The following MTHFD2L variants were observed in gnomAD, a reference collection of about 807,000 sequenced individuals.
MTHFD2L encodes methylenetetrahydrofolate dehydrogenase (NADP+ dependent) 2 like.
MTHFD2L carries 29 observed loss-of-function variants against 34.9 expected under a neutral mutation model. The ratio of observed to expected loss-of-function variants is 0.83; its 90% CI spans 0.62 to 1.13. The LOEUF (loss-of-function observed/expected upper bound fraction) is 1.13. MTHFD2L is among the 50% of genes most tolerant of loss of function. The pLI, the probability that MTHFD2L is intolerant of heterozygous loss-of-function variation, is 0.00. For missense variants in MTHFD2L, 481 were observed against 446.5 expected (o/e 1.08, Z -0.70); for synonymous variants, 167 against 155.7 (o/e 1.07, Z -0.54).
intron 3 of MTHFD2L, among the ~76,000 whole-genome samples, chr4:74,179,379 A>G (rs1043467415): frequency 1.3e-5 from 2 of 152,062 alleles, no homozygotes; most frequent in African/African-American, 2.4e-5. Flanking sequence ...TTGCTCAATA[A>G]TGGTATTCCT....
intron 5 of MTHFD2L, among the ~76,000 whole-genome samples, chr4:74,212,580 C>G (rs1213669531): frequency 6.6e-6 from 1 of 152,042 alleles, no homozygotes; most frequent in African/African-American, 2.4e-5. Flanking sequence ...GATTTCCATT[C>G]TTTTATATTT....
At chr4:74,212,639 G>A (rs1178650006) in intron 5 of MTHFD2L, among the ~76,000 whole-genome samples, 2 of 152,162 alleles carry the variant, frequency 1.3e-5, no homozygotes, top group Admixed American at 6.5e-5. Context: ...TAGAATAAGT[G>A]TGATGTGGTG....
chr4:74,246,488 T>C (rs990510815), intron 6 of MTHFD2L, among the ~76,000 whole-genome samples: 4 of 152,180 alleles, frequency 2.6e-5, no homozygotes, highest in African/African-American at 9.7e-5. Flanking sequence ...TTTAATTAGA[T>C]CCCATTTGTC....
At chr4:74,163,007 CCTTATGGATAGAAT>C (rs1252661778) in intron 1 of MTHFD2L, among the ~76,000 whole-genome samples, 1 of 152,060 alleles carries the variant, frequency 6.6e-6, no homozygotes. Flanking sequence ...TAACCTGGGA[CCTTATGGATAGAAT>C]TCAGAGGATC....
At chr4:74,121,480 A>G (rs1560397714), upstream of MTHFD2L, among the ~76,000 whole-genome samples, 1 of 150,178 alleles carries the variant, frequency 6.7e-6, no homozygotes, top group Admixed American at 6.8e-5. Context: ...TAAGCAATAT[A>G]CTGCAGGTGT....
intron 7 of MTHFD2L, among the ~76,000 whole-genome samples, chr4:74,298,778 C>T (rs376143585): frequency 2.0e-5 from 3 of 152,044 alleles, no homozygotes; most frequent in South Asian, 2.1e-4. Context: ...TTTGAGAAAA[C>T]TGAGTTAATT....
At chr4:74,203,101 C>T (rs1734722303) in intron 5 of MTHFD2L, among the ~76,000 whole-genome samples, 1 of 152,204 alleles carries the variant, frequency 6.6e-6, no homozygotes, top group South Asian at 2.1e-4. Context: ...ATAATATTTT[C>T]CCTTTCTATG....
intron 3 of MTHFD2L, chr4:74,190,371 A>G (rs901092468): frequency 1.8e-6 from 1 of 546,804 alleles, no homozygotes; most frequent in Admixed American, 6.4e-5. Context: ...CGTGATGTGT[A>G]GGTTCCAACT....
At chr4:74,133,241 C>T (rs966527636) in intron 1 of MTHFD2L, among the ~76,000 whole-genome samples, 6 of 152,046 alleles carry the variant, frequency 3.9e-5, no homozygotes, top group Non-Finnish European at 8.8e-5. Flanking sequence ...TCTGGATCTT[C>T]TCTTTGTCTT....
chr4:74,173,227 G>A (rs16850519), intron 1 of MTHFD2L, among the ~76,000 whole-genome samples: 3,781 of 152,264 alleles, frequency 0.025, 164 homozygotes, highest in African/African-American at 0.086. Context: ...CACAGTAAGA[G>A]CAATGTAATT....
chr4:74,125,176 A>C (rs1474882841), upstream of MTHFD2L, among the ~76,000 whole-genome samples: 1 of 152,208 alleles, frequency 6.6e-6, no homozygotes, highest in East Asian at 1.9e-4. Context: ...AGGAATTAGC[A>C]TGAGTGAAGC....
intron 5 of MTHFD2L, among the ~76,000 whole-genome samples, chr4:74,207,099 T>C (rs1735468639): frequency 6.6e-6 from 1 of 151,830 alleles, no homozygotes; most frequent in African/African-American, 2.4e-5. Context: ...GGGGTCTCCT[T>C]ATGTTGCCCA....
chr4:74,209,888 T>C (rs1001112184), intron 5 of MTHFD2L, among the ~76,000 whole-genome samples: 1 of 152,348 alleles, frequency 6.6e-6, no homozygotes, highest in African/African-American at 2.4e-5. Flanking sequence ...ATCTCCATTC[T>C]AACTGGCATG....
At chr4:74,183,405 T>A (rs1430607319) in intron 3 of MTHFD2L, 1 of 152,184 alleles carries the variant, frequency 6.6e-6, no homozygotes, top group African/African-American at 2.4e-5. Context: ...GGCTCATGCC[T>A]GTAATCCCTG....
chr4:74,262,853 A>G lies in MTHFD2L; in HGVS notation c.806-18572A>G, dbSNP rs114513565. Among the ~76,000 whole-genome samples, 947 of 152,100 alleles carry G rather than the reference A, an allele frequency of 6.2e-3. 3 individuals are homozygous for G. Among genetic ancestry groups the G allele is most frequent in the Non-Finnish European group, 0.012 (785 of 67,868 alleles). On this transcript the variant is annotated intron_variant, in intron 6 of 7. Coordinates refer to ENST00000325278, the MANE Select transcript of MTHFD2L (RefSeq NM_001144978.3). ...TGAAAATGTGCACTTCATATGACCT[A>G]GAGATTCCATTATTTTTCCACATAT...
intron 6 of MTHFD2L, among the ~76,000 whole-genome samples, chr4:74,252,189 G>C (rs1329027129): frequency 6.6e-6 from 1 of 152,222 alleles, no homozygotes; most frequent in African/African-American, 2.4e-5. Context: ...ATTTTATACA[G>C]TTATGGGAGT....
At chr4:74,166,198 A>C (rs750855129) in intron 1 of MTHFD2L, among the ~76,000 whole-genome samples, 1 of 152,240 alleles carries the variant, frequency 6.6e-6, no homozygotes, top group African/African-American at 2.4e-5. Context: ...TTCACACTGG[A>C]AACAGTGGAA....
At position 74,250,432 on chromosome 4, in the gene MTHFD2L, G is replaced by T. The variant is rs544681475; in HGVS notation, c.805+25038G>T. 3.3e-5 allele frequency among the ~76,000 whole-genome samples: 5 copies of T among 151,950 alleles called. No individual in the cohort carries two copies. In the East Asian group the frequency reaches 9.7e-4, roughly 29 times the overall value. ...TATCTATTTATTTGTATGGTTACTGGCCATCTTCCCTGTGAAAATGTAGAC... is the reference window on the plus strand; with the variant it reads ...TATCTATTTATTTGTATGGTTACTGTCCATCTTCCCTGTGAAAATGTAGAC... On this transcript the variant is annotated intron_variant, in intron 6 of 7. Transcript: ENST00000325278.
chr4:74,243,732 C>G (rs1470318615), intron 6 of MTHFD2L, among the ~76,000 whole-genome samples: 1 of 152,064 alleles, frequency 6.6e-6, no homozygotes, highest in Non-Finnish European at 1.5e-5. Context: ...CCTATAAATT[C>G]TCCCAAAACA....
Sources: allele counts gnomAD v4.1 joint callset (sites outside exome capture counted in the v4.1 genomes callset), GRCh38; gene constraint gnomAD v4.1.1; transcripts MANE v1.5; gene names NCBI Gene and HGNC (gene_info 2026-07-23, HGNC 2026-07-21).